BIRC6: variants seen among roughly 807,000 people sequenced by gnomAD.
BIRC6 encodes the protein dual E2 ubiquitin-conjugating enzyme/E3 ubiquitin-protein ligase BIRC6.
A neutral mutation model predicts 503.3 loss-of-function variants in BIRC6; 98 were observed. The observed-to-expected ratio is 0.19, with a 90% CI of 0.17 to 0.23. The LOEUF is 0.23. Among genes scored for constraint, BIRC6 ranks in the 10% least tolerant of loss-of-function variants. BIRC6 has a pLI of 1.00. For missense variants in BIRC6, 5,360 were observed against 5,806.0 expected (o/e 0.92, Z 2.50); for synonymous variants, 2,240 against 2,078.7 (o/e 1.08, Z -2.11).
intron 43 of BIRC6, 41 bp from the exon 44 acceptor site, chr2:32,491,384 A>G: frequency 6.5e-7 from 1 of 1,531,960 alleles, no homozygotes; most frequent in Non-Finnish European, 8.8e-7. Flanking sequence ...CCATTATTTC[A>G]TGGTCCATTT....
At chr2:32,577,287 C>G (rs1161049116) in intron 66 of BIRC6, among the ~76,000 whole-genome samples, 1 of 152,012 alleles carries the variant, frequency 6.6e-6, no homozygotes, top group Non-Finnish European at 1.5e-5. Context: ...GGGAATCTTG[C>G]CCTGTATTTC....
At chr2:32,502,921 A>C in intron 48 of BIRC6, 30 bp downstream of exon 48, 1 of 1,569,996 alleles carries the variant, frequency 6.4e-7, no homozygotes, top group Non-Finnish European at 8.7e-7. Flanking sequence ...ACTATCATTT[A>C]AGTGTAGTTA....
intron 1 of BIRC6, among the ~76,000 whole-genome samples, chr2:32,374,513 C>T (rs1338853487): frequency 6.6e-6 from 1 of 150,934 alleles, no homozygotes; most frequent in Non-Finnish European, 1.5e-5. Flanking sequence ...CACTCTGTCG[C>T]CCAGGCTGGA....
intron 10 of BIRC6, among the ~76,000 whole-genome samples, chr2:32,416,970 G>A (rs150490970): frequency 0.012 from 1,825 of 152,046 alleles, 30 homozygotes; most frequent in African/African-American, 0.04. Flanking sequence ...CAAGTAGCTG[G>A]GATTACAGGC....
intron 15 of BIRC6, among the ~76,000 whole-genome samples, chr2:32,438,751 G>A (rs990779047): frequency 1.1e-4 from 16 of 151,812 alleles, no homozygotes; most frequent in Admixed American, 9.2e-4. Flanking sequence ...TGTAGTAGAC[G>A]GGGTTTCACT....
intron 73 of BIRC6, among the ~76,000 whole-genome samples, chr2:32,617,506 G>T (rs1463128859): frequency 6.6e-6 from 1 of 152,194 alleles, no homozygotes; most frequent in Non-Finnish European, 1.5e-5. Context: ...GGGTTACTGA[G>T]GTCTTTTCAG....
intron 23 of BIRC6, among the ~76,000 whole-genome samples, chr2:32,456,812 T>G (rs889988500): frequency 6.6e-6 from 1 of 152,242 alleles, no homozygotes; most frequent in African/African-American, 2.4e-5. Context: ...GAGGCCAGTA[T>G]GTTAAAAAAT....
intron 24 of BIRC6, 27 bp downstream of exon 24, chr2:32,463,408 A>G (rs752635995): frequency 6.4e-7 from 1 of 1,560,144 alleles, no homozygotes; most frequent in Non-Finnish European, 8.7e-7. Flanking sequence ...CTCTTTGTTC[A>G]TGCTGTCTCT....
intron 69 of BIRC6, among the ~76,000 whole-genome samples, chr2:32,599,340 AAAAG>A (rs1482047706): frequency 6.6e-6 from 1 of 151,122 alleles, no homozygotes; most frequent in African/African-American, 2.4e-5. Context: ...AAAAAAAAAA[AAAAG>A]CTGTTCTTAT....
intron 9 of BIRC6, among the ~76,000 whole-genome samples, chr2:32,412,796 C>T (rs176403): frequency 6.6e-6 from 1 of 151,840 alleles, no homozygotes; most frequent in Admixed American, 6.6e-5. Flanking sequence ...AGATTACAAT[C>T]TTTTTTAATG....
intron 1 of BIRC6, among the ~76,000 whole-genome samples, chr2:32,358,599 T>C (rs1001944711): frequency 2.0e-5 from 3 of 152,242 alleles, no homozygotes; most frequent in Admixed American, 6.5e-5. Context: ...GAAGTAGTTA[T>C]GTGGTCAACC....
In BIRC6 at chr2:32,570,681, G is replaced by T. The variant is rs568616992; in HGVS notation, c.13145-4475G>T. On this transcript the variant is annotated intron_variant, in intron 65 of 73. Transcript: ENST00000421745. ...CACCCGGCTAATTTTTGTATTTTTA[G>T]TAGAGATGGGTTTCACCATGTTGGC... Among the ~76,000 whole-genome samples, 7 of 143,580 alleles carry T rather than the reference G, an allele frequency of 4.9e-5. No homozygotes were observed. The East Asian group carries it at 1.5e-3, about 31-fold the overall frequency. The allele number at this position is 143,580 out of a possible 152,430, so 94.2% of individuals were successfully genotyped here.
rs370187486 is a variant in BIRC6 at position 32,416,015 on chromosome 2, G to C, written c.2724G>C (p.Gln908His). The change falls in exon 10 of 74, where the codon CAG (glutamine) becomes CAC (histidine). Residue 908 changes from glutamine to histidine, a missense_variant. Transcript: ENST00000421745. The stretch of plus-strand genomic sequence containing the variant: ...TTGGACACCTGGTAATAACCACTCA[G>C]GGAGGATATGTAAAAATACTAGATC... Reference protein sequence around the residue: ...STLGHLVITTQGGYVKILDLS... With the variant: ...STLGHLVITTHGGYVKILDLS... 1.6e-5 allele frequency: 26 copies of C among 1,613,802 alleles called. No homozygotes were observed. The highest frequency in any genetic ancestry group is 2.1e-5 in the Non-Finnish European group (25 of 1,179,892).
At chr2:32,397,322 A>G (rs566051563) in intron 6 of BIRC6, among the ~76,000 whole-genome samples, 1 of 151,922 alleles carries the variant, frequency 6.6e-6, no homozygotes, top group East Asian at 2.0e-4. Flanking sequence ...GATACAATAA[A>G]TTATCTGGGC....
At chr2:32,498,351 C>G (rs2052739072) in intron 45 of BIRC6, among the ~76,000 whole-genome samples, 1 of 152,174 alleles carries the variant, frequency 6.6e-6, no homozygotes, top group Non-Finnish European at 1.5e-5. Flanking sequence ...TGTGCCCGGC[C>G]TATAACCGAA....
At position 32,455,379 on chromosome 2, in the gene BIRC6, C is replaced by CAA. The variant is rs758202958; in HGVS notation, c.4753+1459_4753+1460dup. On this transcript the variant is annotated intron_variant, in intron 23 of 73. Transcript: ENST00000421745. ...TGGGCAAACAGCAAGACTCTGTCTCCAAAAAAAAAAAAAAAAAAAAAAATT... is the reference window on the plus strand; with the variant it reads ...TGGGCAAACAGCAAGACTCTGTCTCCAAAAAAAAAAAAAAAAAAAAAAAAATT... Among the ~76,000 whole-genome samples, 432 of 88,678 alleles carry CAA rather than the reference C, an allele frequency of 4.9e-3. 3 individuals are homozygous for CAA. The highest frequency in any genetic ancestry group is 0.017 in the African/African-American group (401 of 23,086). 58.2% of individuals were successfully genotyped at this position (88,678 alleles called of 152,430 possible).
Position 32,618,210 on chromosome 2 carries a change from G to T in BIRC6, c.*306G>T. 2 of 187,532 alleles carry T rather than the reference G, an allele frequency of 1.1e-5. No homozygotes were observed. Among genetic ancestry groups the T allele is most frequent in the Non-Finnish European group, 2.1e-5 (2 of 93,908 alleles). 11.6% of individuals were successfully genotyped at this position (187,532 alleles called of 1,614,324 possible). ...ACTACCTTAGGAAAGAATGTTTACTGAATGTTTATTTTATTTTATTTTTTT... is the reference window on the plus strand; with the variant it reads ...ACTACCTTAGGAAAGAATGTTTACTTAATGTTTATTTTATTTTATTTTTTT... On this transcript the variant is annotated 3_prime_UTR_variant, in exon 74 of 74. Coordinates refer to ENST00000421745, the MANE Select transcript of BIRC6 (RefSeq NM_016252.4).
At chr2:32,460,040 G>A (rs911873533) in intron 23 of BIRC6, among the ~76,000 whole-genome samples, 2 of 148,072 alleles carry the variant, frequency 1.4e-5, no homozygotes, top group African/African-American at 2.5e-5. Flanking sequence ...TCATTTTATC[G>A]TCGTTTTTTC....
chr2:32,559,234 C>T lies in BIRC6; in HGVS notation c.13144+9753C>T, dbSNP rs75137534. 9.4e-3 allele frequency among the ~76,000 whole-genome samples: 1,439 copies of T among 152,308 alleles called. 20 individuals are homozygous for T. Among genetic ancestry groups the T allele is most frequent in the Admixed American group, 0.014 (219 of 15,296 alleles). On this transcript the variant is annotated intron_variant, in intron 65 of 73. Transcript: ENST00000421745. The stretch of plus-strand genomic sequence containing the variant: ...TTCAAGCTATGCATAAATCAGCAAA[C>T]AGGCCCTTTTGAGGATTGGAAGGAT...
Sources: gnomAD v4.1 joint callset for allele counts (sites outside exome capture counted in the v4.1 genomes callset) on GRCh38, gnomAD v4.1.1 for gene constraint, MANE v1.5 for transcripts, NCBI Gene and HGNC (gene_info 2026-07-23, HGNC 2026-07-21) for gene names.